Variants in TNR observed in about 807,000 individuals in gnomAD.
TNR encodes tenascin-R.
In TNR, 45 loss-of-function variants were observed where a neutral mutation model predicts 150.4. The observed-to-expected ratio is 0.30, with a 90% CI of 0.24 to 0.38. The LOEUF is 0.38. Among genes scored for constraint, TNR ranks in the 10% least tolerant of loss-of-function variants. The pLI is 1.00. For synonymous variants in TNR, 687 were observed against 678.4 expected (o/e 1.01, Z -0.20); for missense variants, 1,544 against 1,759.1 (o/e 0.88, Z 2.19).
At chr1:175,447,933 T>C (rs1166707037) in intron 2 of TNR, among the ~76,000 whole-genome samples, 1 of 152,268 alleles carries the variant, frequency 6.6e-6, no homozygotes, top group African/African-American at 2.4e-5. Flanking sequence ...TTTAGCACAC[T>C]GCCTGGCATG....
intron 1 of TNR, among the ~76,000 whole-genome samples, chr1:175,593,872 G>A (rs376313108): frequency 1.6e-4 from 25 of 152,194 alleles, no homozygotes; most frequent in African/African-American, 5.8e-4. Context: ...GGCACAGGCA[G>A]CATATTTCAC....
chr1:175,496,483 G>T (rs942498497), intron 2 of TNR, among the ~76,000 whole-genome samples: 7 of 152,138 alleles, frequency 4.6e-5, no homozygotes, highest in Non-Finnish European at 7.3e-5. Flanking sequence ...AGCATCTCTG[G>T]CACTGTTTAC....
In TNR at chr1:175,356,440, A is replaced by C. The variant is rs1651334518; in HGVS notation, c.2997T>G (p.Val999=). 6.2e-7 allele frequency: 1 copy of C among 1,613,914 alleles called. No homozygotes were observed. Among genetic ancestry groups the C allele is most frequent in the African/African-American group, 1.3e-5 (1 of 74,930 alleles). Residue 999 remains valine, a synonymous_variant, in exon 16 of 23, where the codon GTT becomes GTG. Transcript: ENST00000367674. ...GCCGAAATTCCTCACTGACTCCGTC[A>C]ACAAGGATGGTCTCTCCAGCGACTG... is the stretch of plus-strand genomic sequence containing the variant. The part of the protein sequence containing the change: ...HFAVAGETIL[V]DGVSEEFRLV...
chr1:175,550,453 T>C (rs1391114063), intron 1 of TNR, among the ~76,000 whole-genome samples: 22 of 151,324 alleles, frequency 1.5e-4, no homozygotes, highest in African/African-American at 5.3e-4. Flanking sequence ...AAAACAGGAG[T>C]ATTAAGTGAG....
chr1:175,347,568 T>C (rs1343530167), intron 18 of TNR, among the ~76,000 whole-genome samples: 3 of 152,016 alleles, frequency 2.0e-5, no homozygotes, highest in Admixed American at 6.6e-5. Flanking sequence ...GCTGGAATTA[T>C]AGGTGTGCAC....
At position 175,362,670 on chromosome 1, in the gene TNR, C is replaced by T; in HGVS notation, c.2847G>A (p.Val949=). 6.2e-7 allele frequency: 1 copy of T among 1,613,888 alleles called. No individual in the cohort carries two copies. Among genetic ancestry groups the T allele is most frequent in the Non-Finnish European group, 8.5e-7 (1 of 1,179,820 alleles). The change falls in exon 14 of 23, where the codon GTG becomes GTA. Residue 949 remains valine (V), a synonymous_variant. Transcript: ENST00000367674. Reference sequence around the variant, plus strand: ...GCAGGGAGACATTCCCACCTGTGTGCACAAGAGTACAGATGCGCTCGCTTT... The same window carrying T: ...GCAGGGAGACATTCCCACCTGTGTGTACAAGAGTACAGATGCGCTCGCTTT... The part of the protein sequence containing the change: ...REESERICTL[V]HTAMDNPVDL...
intron 2 of TNR, among the ~76,000 whole-genome samples, chr1:175,508,334 C>A (rs956466705): frequency 1.6e-4 from 24 of 152,088 alleles, no homozygotes; most frequent in Admixed American, 2.0e-4. Context: ...CTAGATACAG[C>A]CCTGTTGGTT....
chr1:175,383,690 G>T (rs779896646), intron 8 of TNR, among the ~76,000 whole-genome samples: 1 of 152,216 alleles, frequency 6.6e-6, no homozygotes, highest in Non-Finnish European at 1.5e-5. Flanking sequence ...ACCTGGAAAA[G>T]CACTTTGGTT....
chr1:175,499,388 T>C (rs758653261), intron 2 of TNR, among the ~76,000 whole-genome samples: 1 of 152,222 alleles, frequency 6.6e-6, no homozygotes, highest in East Asian at 1.9e-4. Context: ...GGGCTCTCCC[T>C]GCAAGGCTGA....
chr1:175,397,575 T>C (rs1462042006), intron 4 of TNR, among the ~76,000 whole-genome samples: 1 of 152,220 alleles, frequency 6.6e-6, no homozygotes, highest in East Asian at 1.9e-4. Context: ...AAACAGTAAG[T>C]CCTGGATACC....
At chr1:175,329,089 T>A (rs1649572648) in intron 21 of TNR, among the ~76,000 whole-genome samples, 1 of 152,200 alleles carries the variant, frequency 6.6e-6, no homozygotes, top group Admixed American at 6.5e-5. Flanking sequence ...AAGGAAAGCA[T>A]GTCTTCTCTT....
chr1:175,322,739 A>T lies in TNR; in HGVS notation c.*618T>A, dbSNP rs1473477377. On this transcript the variant is annotated 3_prime_UTR_variant, in exon 23 of 23. Coordinates refer to ENST00000367674, the MANE Select transcript of TNR (RefSeq NM_003285.3). Reference sequence around the variant, plus strand: ...CGAGGCTGTAGTGAGCTGAGATTGCACCACTGCACTCCAGACTGAGCAAGA... The same window carrying T: ...CGAGGCTGTAGTGAGCTGAGATTGCTCCACTGCACTCCAGACTGAGCAAGA... The T allele has an allele frequency of 6.6e-6, 1 of 152,312 alleles. No homozygotes were observed. The highest frequency in any genetic ancestry group is 1.5e-5 in the Non-Finnish European group (1 of 68,130). The allele number at this position is 152,312 out of a possible 1,614,324, so 9.4% of individuals were successfully genotyped here.
chr1:175,331,066 T>TTTCC (rs1491159520), intron 20 of TNR, among the ~76,000 whole-genome samples: 1,153 of 99,918 alleles, frequency 0.012, 38 homozygotes, highest in African/African-American at 0.015. Context: ...TCTTTCTTTC[T>TTTCC]TTCTTTCTTT....
At chr1:175,711,518 G>A (rs554589652) in intron 1 of TNR, among the ~76,000 whole-genome samples, 8 of 152,256 alleles carry the variant, frequency 5.3e-5, no homozygotes, top group Admixed American at 2.6e-4. Context: ...TGGAAGATTC[G>A]GGGCAGGGGA....
chr1:175,437,831 G>A (rs1370885083), intron 2 of TNR, among the ~76,000 whole-genome samples: 1 of 152,184 alleles, frequency 6.6e-6, no homozygotes, highest in Non-Finnish European at 1.5e-5. Context: ...AAACCAGGAA[G>A]AAGTTGAATC....
At chr1:175,733,008 A>G (rs1460331584) in intron 1 of TNR, among the ~76,000 whole-genome samples, 1 of 152,240 alleles carries the variant, frequency 6.6e-6, no homozygotes, top group Non-Finnish European at 1.5e-5. Flanking sequence ...ATCAGATCTC[A>G]GGTAACCATT....
At chr1:175,639,472 T>C (rs1664586083) in intron 1 of TNR, among the ~76,000 whole-genome samples, 1 of 152,220 alleles carries the variant, frequency 6.6e-6, no homozygotes, top group African/African-American at 2.4e-5. Flanking sequence ...CTATGCCCTC[T>C]TGCAGTGTTC....
intron 1 of TNR, among the ~76,000 whole-genome samples, chr1:175,721,027 T>C (rs994281655): frequency 6.6e-6 from 1 of 152,188 alleles, no homozygotes; most frequent in African/African-American, 2.4e-5. Context: ...CATGGGACCC[T>C]TGTCTTATGC....
chr1:175,702,968 C>T (rs1033817306), intron 1 of TNR, among the ~76,000 whole-genome samples: 2 of 151,906 alleles, frequency 1.3e-5, no homozygotes, highest in Non-Finnish European at 2.9e-5. Context: ...CCAAAATATC[C>T]ATCTATAATT....
Sources: allele counts gnomAD v4.1 joint callset (sites outside exome capture counted in the v4.1 genomes callset), GRCh38; gene constraint gnomAD v4.1.1; transcripts MANE v1.5; gene names NCBI Gene and HGNC (gene_info 2026-07-23, HGNC 2026-07-21).